Variants in UBE2E2 observed in about 807,000 individuals in gnomAD.
The protein encoded by UBE2E2 is ubiquitin conjugating enzyme E2 E2, also known as ubiquitin-conjugating enzyme E2 E2.
A neutral mutation model predicts 24.7 loss-of-function variants in UBE2E2; 6 were observed. The ratio of observed to expected loss-of-function variants is 0.24; its 90% CI spans 0.13 to 0.48. The LOEUF is 0.48. UBE2E2 is among the 20% of genes least tolerant of loss of function. UBE2E2 has a pLI of 0.99. For synonymous variants in UBE2E2, 104 were observed against 83.6 expected (o/e 1.24, Z -1.33); for missense variants, 169 against 245.0 (o/e 0.69, Z 2.07).
chr3:23,284,730 G>T (rs1698571495), intron 3 of UBE2E2, among the ~76,000 whole-genome samples: 1 of 151,158 alleles, frequency 6.6e-6, no homozygotes, highest in Non-Finnish European at 1.5e-5. Flanking sequence ...ATATATTTAG[G>T]AATACAATGT....
chr3:23,213,722 A>T (rs1288280052), intron 2 of UBE2E2, among the ~76,000 whole-genome samples: 1 of 152,158 alleles, frequency 6.6e-6, no homozygotes, highest in African/African-American at 2.4e-5. Context: ...ATAGTTCTCC[A>T]TCTTTCACCT....
intron 4 of UBE2E2, among the ~76,000 whole-genome samples, chr3:23,523,097 C>A (rs1387893379): frequency 6.6e-6 from 1 of 151,906 alleles, no homozygotes; most frequent in East Asian, 1.9e-4. Flanking sequence ...AAAAAAAACA[C>A]AAATTTAGAA....
intron 4 of UBE2E2, among the ~76,000 whole-genome samples, chr3:23,512,369 C>T (rs1489125821): frequency 6.6e-6 from 1 of 151,978 alleles, no homozygotes; most frequent in East Asian, 1.9e-4. Context: ...AGGCATGTGC[C>T]ACCATGCCTG....
At chr3:23,445,966 C>T (rs545180984) in intron 3 of UBE2E2, among the ~76,000 whole-genome samples, 15 of 152,162 alleles carry the variant, frequency 9.9e-5, no homozygotes, top group African/African-American at 2.6e-4. Context: ...CATTTTTATC[C>T]GTCAATGATA....
At chr3:23,357,254 G>A (rs1695982435) in intron 3 of UBE2E2, among the ~76,000 whole-genome samples, 1 of 152,138 alleles carries the variant, frequency 6.6e-6, no homozygotes, top group Non-Finnish European at 1.5e-5. Context: ...GGTGATTATT[G>A]ATTTCTGAGA....
At chr3:23,419,720 G>T (rs114206355) in intron 3 of UBE2E2, among the ~76,000 whole-genome samples, 1 of 152,062 alleles carries the variant, frequency 6.6e-6, no homozygotes, top group African/African-American at 2.4e-5. Flanking sequence ...TTTGTGTCTC[G>T]TATACCTTCT....
At chr3:23,489,028 G>T (rs1187449002) in intron 3 of UBE2E2, among the ~76,000 whole-genome samples, 1 of 152,012 alleles carries the variant, frequency 6.6e-6, no homozygotes, top group South Asian at 2.1e-4. Context: ...TACCTTTCTG[G>T]TTTTTTTACT....
intron 3 of UBE2E2, among the ~76,000 whole-genome samples, chr3:23,365,208 C>T (rs772088548): frequency 1.2e-4 from 19 of 152,096 alleles, no homozygotes; most frequent in Non-Finnish European, 2.8e-4. Context: ...CCTTGAGAAC[C>T]GGAACAAGGC....
chr3:23,472,855 A>G (rs1401725914), intron 3 of UBE2E2, among the ~76,000 whole-genome samples: 1 of 151,724 alleles, frequency 6.6e-6, no homozygotes, highest in Non-Finnish European at 1.5e-5. Context: ...GTTTTGCTGT[A>G]TTGCCTATGC....
rs1418965289 is a variant in UBE2E2 at position 23,264,257 on chromosome 3, A to C, written c.227+46945A>C. ...TAAGTGTCCCAAGTGGAAGAGAAAG[A>C]ACATTTTACTGTTCGTATCTTTAGG... On this transcript the variant is annotated intron_variant, in intron 3 of 5. Coordinates refer to ENST00000396703, the MANE Select transcript of UBE2E2 (RefSeq NM_152653.4). 2.7e-5 allele frequency among the ~76,000 whole-genome samples: 4 copies of C among 148,864 alleles called. No individual in the cohort carries two copies. The East Asian group carries it at 7.7e-4, about 29-fold the overall frequency.
chr3:23,456,005 C>T (rs556853559), intron 3 of UBE2E2, among the ~76,000 whole-genome samples: 6 of 152,212 alleles, frequency 3.9e-5, no homozygotes, highest in African/African-American at 4.8e-5. Context: ...AACTCTGCCA[C>T]GGCTTTATCA....
intron 3 of UBE2E2, among the ~76,000 whole-genome samples, chr3:23,240,086 G>C (rs1247151771): frequency 6.6e-6 from 1 of 152,118 alleles, no homozygotes; most frequent in East Asian, 1.9e-4. Flanking sequence ...TGGGAGAATA[G>C]GCATCTCAAT....
At chr3:23,564,946 G>A (rs565716755) in intron 5 of UBE2E2, among the ~76,000 whole-genome samples, 2 of 152,238 alleles carry the variant, frequency 1.3e-5, no homozygotes, top group South Asian at 2.1e-4. Flanking sequence ...TATGAGAAGG[G>A]CAAGGAAAAG....
chr3:23,307,608 A>T lies in UBE2E2; in HGVS notation c.227+90296A>T, dbSNP rs115496428. Among the ~76,000 whole-genome samples the T allele has an allele frequency of 7.1e-3, 1,088 of 152,288 alleles. 10 individuals carry two copies. Among genetic ancestry groups the T allele is most frequent in the African/African-American group, 0.019 (785 of 41,566 alleles). On this transcript the variant is annotated intron_variant, in intron 3 of 5. Transcript: ENST00000396703. Reference sequence around the variant, plus strand: ...AGACAGTAATTGAAACCATGAGTTGAGTTCAGCAAGTACTAAAGTCAATAT... The same window carrying T: ...AGACAGTAATTGAAACCATGAGTTGTGTTCAGCAAGTACTAAAGTCAATAT...
intron 3 of UBE2E2, among the ~76,000 whole-genome samples, chr3:23,339,338 A>G (rs1442381535): frequency 6.6e-6 from 1 of 152,154 alleles, no homozygotes; most frequent in Admixed American, 6.5e-5. Flanking sequence ...TGGATCAAAC[A>G]CTGGACTAGA....
intron 3 of UBE2E2, among the ~76,000 whole-genome samples, chr3:23,246,687 T>C (rs17342980): frequency 0.17 from 25,466 of 151,562 alleles, 2,268 homozygotes; most frequent in South Asian, 0.26. Flanking sequence ...AGTAAAGATA[T>C]TTTGAGCTTT....
chr3:23,551,801 G>C (rs887302886), intron 5 of UBE2E2, among the ~76,000 whole-genome samples: 3 of 152,190 alleles, frequency 2.0e-5, no homozygotes, highest in Admixed American at 6.5e-5. Context: ...CTAGGGCCTC[G>C]TATAAGGGTG....
intron 3 of UBE2E2, among the ~76,000 whole-genome samples, chr3:23,338,197 G>T (rs987563300): frequency 1.3e-5 from 2 of 152,170 alleles, no homozygotes; most frequent in Non-Finnish European, 2.9e-5. Flanking sequence ...ATCAAAATGT[G>T]CAGTCTAACT....
At chr3:23,383,632 G>GT (rs141172821) in intron 3 of UBE2E2, among the ~76,000 whole-genome samples, 21,251 of 151,704 alleles carry the variant, frequency 0.14, 1,573 homozygotes, top group South Asian at 0.23. Flanking sequence ...AGATACTGAG[G>GT]TTTTTTTTGT....
Sources: allele counts gnomAD v4.1 joint callset (sites outside exome capture counted in the v4.1 genomes callset), GRCh38; gene constraint gnomAD v4.1.1; transcripts MANE v1.5; gene names NCBI Gene and HGNC (gene_info 2026-07-23, HGNC 2026-07-21).